DLG5: variants seen among roughly 807,000 people sequenced by gnomAD.
DLG5 encodes the protein discs large MAGUK scaffold protein 5, also known as disks large homolog 5.
DLG5 carries 48 observed loss-of-function variants against 189.8 expected under a neutral mutation model. The observed-to-expected ratio is 0.25, with a 90% CI of 0.20 to 0.32. The LOEUF is 0.32. Among genes scored for constraint, DLG5 ranks in the 10% least tolerant of loss-of-function variants. DLG5 has a pLI of 1.00. For missense variants in DLG5, 2,160 were observed against 2,544.7 expected, an observed-to-expected ratio of 0.85 and a Z score of 3.25; for synonymous variants, 1,016 against 1,054.1, an observed-to-expected ratio of 0.96 and a Z score of 0.70.
chr10:77,813,317 G>C (rs1352781644), intron 20 of DLG5, among the ~76,000 whole-genome samples: 2 of 152,198 alleles, frequency 1.3e-5, no homozygotes, highest in Non-Finnish European at 2.9e-5. Flanking sequence ...TTCTAGCGGG[G>C]AGGCACCTAA....
chr10:77,838,373 A>G (rs75698835), intron 7 of DLG5, among the ~76,000 whole-genome samples: 140 of 152,146 alleles, frequency 9.2e-4, no homozygotes, highest in African/African-American at 2.8e-3. Flanking sequence ...CCTGGGAGCA[A>G]TGAGACTTCC....
chr10:77,840,930 T>C (rs972524774), intron 7 of DLG5, among the ~76,000 whole-genome samples: 3 of 152,212 alleles, frequency 2.0e-5, no homozygotes, highest in African/African-American at 7.2e-5. Flanking sequence ...GACCTGGTAG[T>C]AATGATCCAA....
chr10:77,853,592 C>T (rs920936400), intron 4 of DLG5, 55 bp from the exon 5 acceptor site: 2 of 1,446,154 alleles, frequency 1.4e-6, no homozygotes, highest in Non-Finnish European at 1.8e-6. Flanking sequence ...ACACCCCGCC[C>T]CACCCCAGGG....
At chr10:77,887,437 C>A (rs1845472279) in intron 1 of DLG5, among the ~76,000 whole-genome samples, 1 of 151,688 alleles carries the variant, frequency 6.6e-6, no homozygotes, top group Non-Finnish European at 1.5e-5. Context: ...CAGGGGAACA[C>A]TGACTTGCTA....
At chr10:77,801,201 A>AT (rs923574154) in intron 27 of DLG5, among the ~76,000 whole-genome samples, 2 of 152,224 alleles carry the variant, frequency 1.3e-5, no homozygotes, top group African/African-American at 4.8e-5. Flanking sequence ...CTTTACAAAC[A>AT]TATGATTCAA....
Position 77,796,545 on chromosome 10 carries a change from A to G in DLG5, c.5214T>C (p.Ala1738=). Residue 1738 remains alanine (A), a synonymous_variant, in exon 28 of 32, where the codon GCT becomes GCC. Transcript: ENST00000372391. This position sits in a 1 kb window ranked among gnomAD's most constrained non-coding sequence, Gnocchi z 5.2. ...GCCCCAGAATCAGGACAGGCCTCAG[A>G]GCGGTGCAGTCCACCTTCTGGACCC... ...YQRVQKVDCT[A]LRPVLILGPL... The G allele has an allele frequency of 1.2e-6, 2 of 1,614,114 alleles. No individual in the cohort carries two copies. Among genetic ancestry groups the G allele is most frequent in the Non-Finnish European group, 1.7e-6 (2 of 1,180,020 alleles).
intron 27 of DLG5, among the ~76,000 whole-genome samples, chr10:77,800,536 TGAGGGGCTGAGAACCCAGGCAC>T (rs1426010975): frequency 5.3e-5 from 8 of 151,842 alleles, no homozygotes; most frequent in Non-Finnish European, 7.4e-5. Context: ...GGGCCGCCGC[TGAGGGGCTGAGAACCCAGGCAC>T]GGGGCCGCCG....
chr10:77,871,554 T>TTTTC (rs1844900826), intron 1 of DLG5, among the ~76,000 whole-genome samples: 3 of 144,080 alleles, frequency 2.1e-5, no homozygotes, highest in Non-Finnish European at 4.6e-5. Context: ...TTTTTTTTTT[T>TTTTC]TTTTTTGAGA....
chr10:77,807,947 G>A lies in DLG5; in HGVS notation c.4648-3C>T. 3.7e-6 allele frequency: 6 copies of A among 1,614,086 alleles called. No homozygotes were observed. Among genetic ancestry groups the A allele is most frequent in the African/African-American group, 1.3e-5 (1 of 75,050 alleles). ...TTCCGCACGTCCAGGCTGCCATACTGCCAGGGATGGGGGTGGATGCATCAG... is the reference window on the plus strand; with the variant it reads ...TTCCGCACGTCCAGGCTGCCATACTACCAGGGATGGGGGTGGATGCATCAG... On this transcript the variant is annotated splice_region_variant and splice_polypyrimidine_tract_variant and intron_variant, in intron 24 of 31. Transcript: ENST00000372391.
At chr10:77,911,317 C>T (rs1228000733) in intron 1 of DLG5, among the ~76,000 whole-genome samples, 1 of 152,056 alleles carries the variant, frequency 6.6e-6, no homozygotes, top group Non-Finnish European at 1.5e-5. Context: ...GATGGGGTCT[C>T]CCTATGTTGC....
At chr10:77,919,471 C>G (rs1846470177) in intron 1 of DLG5, among the ~76,000 whole-genome samples, 1 of 151,166 alleles carries the variant, frequency 6.6e-6, no homozygotes, top group African/African-American at 2.4e-5. Flanking sequence ...AATGCTCAAC[C>G]TCTTCTGTTT....
At chr10:77,915,374 A>G (rs999957535) in intron 1 of DLG5, among the ~76,000 whole-genome samples, 2 of 152,254 alleles carry the variant, frequency 1.3e-5, no homozygotes, top group African/African-American at 4.8e-5. Flanking sequence ...ACTCTGAATG[A>G]GAGGGCTAGG....
At chr10:77,845,725 T>C (rs1051816707) in intron 5 of DLG5, among the ~76,000 whole-genome samples, 1 of 152,012 alleles carries the variant, frequency 6.6e-6, no homozygotes, top group Non-Finnish European at 1.5e-5. Context: ...TTTCCTTTAT[T>C]TATTTTTAAA....
chr10:77,809,722 C>T lies in DLG5; in HGVS notation c.4472G>A (p.Gly1491Glu). ...CTCCAGGGTCTTCTTGTTGGCATCT[C>T]CCGCAATCCTTTCAGGAAAAAAACA... ...PAKQSSSRIA[G>E]DANKKTLEPR... Residue 1491 changes from glycine (G) to glutamate (E), a missense_variant, in exon 24 of 32, where the codon GGA becomes GAA. By Grantham distance (98) the Gly-to-Glu change is moderately conservative. Transcript: ENST00000372391. The T allele has an allele frequency of 6.2e-7, 1 of 1,611,280 alleles. No homozygotes were observed. Among genetic ancestry groups the T allele is most frequent in the Non-Finnish European group, 8.5e-7 (1 of 1,179,072 alleles).
chr10:77,845,858 C>T (rs1034709833), intron 5 of DLG5, among the ~76,000 whole-genome samples: 5 of 149,786 alleles, frequency 3.3e-5, no homozygotes, highest in Non-Finnish European at 5.9e-5. Context: ...AATGGCATCA[C>T]TGTTGCAAAA....
At chr10:77,886,870 A>G (rs1218979113) in intron 1 of DLG5, among the ~76,000 whole-genome samples, 1 of 152,160 alleles carries the variant, frequency 6.6e-6, no homozygotes, top group Non-Finnish European at 1.5e-5. Flanking sequence ...ACAGAAGGAG[A>G]ACTGCATGAA....
chr10:77,807,681 C>A (rs1021618885), intron 25 of DLG5, 115 bp downstream of exon 25: 7 of 1,249,356 alleles, frequency 5.6e-6, no homozygotes, highest in Non-Finnish European at 7.8e-6. Context: ...GAATGATGAT[C>A]ATGGCCCCAG....
At chr10:77,910,788 T>G (rs1846195861) in intron 1 of DLG5, among the ~76,000 whole-genome samples, 1 of 152,004 alleles carries the variant, frequency 6.6e-6, no homozygotes, top group South Asian at 2.1e-4. Context: ...CCGACCAACA[T>G]GATAAAACGC....
chr10:77,851,003 G>A (rs938738956), intron 5 of DLG5, among the ~76,000 whole-genome samples: 10 of 152,240 alleles, frequency 6.6e-5, no homozygotes, highest in African/African-American at 2.4e-4. Context: ...CAAACTGCCG[G>A]CAGGCAAAAC....
Sources: allele counts gnomAD v4.1 joint callset (sites outside exome capture counted in the v4.1 genomes callset), GRCh38; gene constraint gnomAD v4.1.1; non-coding constraint Gnocchi (gnomAD v3.1); transcripts MANE v1.5; gene names NCBI Gene and HGNC (gene_info 2026-07-23, HGNC 2026-07-21).